Variants in RBM33 observed in about 807,000 individuals in gnomAD.
RBM33 encodes the protein RNA binding motif protein 33.
A neutral mutation model predicts 132.6 loss-of-function variants in RBM33; 28 were observed. The observed-to-expected ratio is 0.21, with a 90% CI of 0.16 to 0.29. The LOEUF (loss-of-function observed/expected upper bound fraction) is 0.29, where lower values mean the gene tolerates loss of function less well. Ranked by LOEUF, RBM33 falls within the 10% of genes least tolerant of loss-of-function variation. The pLI, the probability that RBM33 is intolerant of heterozygous loss-of-function variation, is 1.00. For missense variants in RBM33, 1,291 were observed against 1,518.5 expected (o/e 0.85, Z 2.49); for synonymous variants, 634 against 593.0 (o/e 1.07, Z -1.01).
intron 5 of RBM33, among the ~76,000 whole-genome samples, chr7:155,681,814 A>G (rs1799345224): frequency 6.6e-6 from 1 of 152,150 alleles, no homozygotes; most frequent in African/African-American, 2.4e-5. Flanking sequence ...ATAGTTTAGA[A>G]GTTGCTGAAT....
intron 16 of RBM33, among the ~76,000 whole-genome samples, chr7:155,772,150 T>C (rs934756500): frequency 6.6e-6 from 1 of 152,222 alleles, no homozygotes; most frequent in Non-Finnish European, 1.5e-5. Flanking sequence ...ACTGTTTCAG[T>C]CACTTTTGAG....
At chr7:155,656,601 T>C (rs547884516) in intron 1 of RBM33, among the ~76,000 whole-genome samples, 48 of 152,176 alleles carry the variant, frequency 3.2e-4, no homozygotes, top group African/African-American at 1.0e-3. Flanking sequence ...AAAAAAAATA[T>C]GTGTATGTAT....
At chr7:155,673,940 G>GTTGTTTTTTT in intron 3 of RBM33, among the ~76,000 whole-genome samples, 4 of 54,214 alleles carry the variant, frequency 7.4e-5, no homozygotes, top group African/African-American at 3.3e-4. Flanking sequence ...TTTAGGCTTA[G>GTTGTTTTTTT]TTTTTTTTTT....
At chr7:155,763,754 G>A in intron 14 of RBM33, 58 bp from the exon 15 acceptor site, 1 of 1,511,120 alleles carries the variant, frequency 6.6e-7, no homozygotes, top group Non-Finnish European at 9.0e-7. Flanking sequence ...CTAATGCTGG[G>A]GAGGAGCTTT....
chr7:155,664,836 A>G (rs1171968811), intron 1 of RBM33, among the ~76,000 whole-genome samples: 2 of 152,094 alleles, frequency 1.3e-5, no homozygotes, highest in African/African-American at 4.8e-5. Flanking sequence ...ACTTTTTAGC[A>G]TGTCACATTT....
At chr7:155,691,366 C>T (rs1161253600) in intron 5 of RBM33, among the ~76,000 whole-genome samples, 3 of 152,080 alleles carry the variant, frequency 2.0e-5, no homozygotes, top group South Asian at 2.1e-4. Context: ...GTTAGCCATT[C>T]GTCTAATCTT....
In RBM33 at chr7:155,644,863, GC is replaced by G. The variant is rs1172846137; in HGVS notation, c.-10del. Reference sequence around the variant, plus strand: ...CTTGGTGGGGGAGGCTGAAGGCCGGGCCCCGCGAGTGCCATGGCGGCCGCCC... The same window carrying G: ...CTTGGTGGGGGAGGCTGAAGGCCGGGCCCGCGAGTGCCATGGCGGCCGCCC... On this transcript the variant is annotated 5_prime_UTR_variant, in exon 1 of 18. Coordinates refer to ENST00000401878, the MANE Select transcript of RBM33 (RefSeq NM_053043.3). 2.0e-6 allele frequency: 3 copies of G among 1,490,156 alleles called. No individual in the cohort carries two copies. The highest frequency in any genetic ancestry group is 2.8e-5 in the East Asian group (1 of 35,448). 92.3% of individuals were successfully genotyped at this position (1,490,156 alleles called of 1,614,324 possible). A position where few individuals can be genotyped will look rare whatever the true frequency, so the allele number is the denominator to read the frequency against.
chr7:155,752,210 T>G (rs1297997845), intron 14 of RBM33, among the ~76,000 whole-genome samples: 1 of 152,206 alleles, frequency 6.6e-6, no homozygotes, highest in Admixed American at 6.5e-5. Flanking sequence ...TGGTCCTGCT[T>G]CTTGGAAGCT....
At chr7:155,749,106 G>T (rs903806444) in intron 14 of RBM33, among the ~76,000 whole-genome samples, 1 of 152,056 alleles carries the variant, frequency 6.6e-6, no homozygotes, top group Non-Finnish European at 1.5e-5. Flanking sequence ...TTGGGACCCC[G>T]AACAATCATT....
rs1371357499 is a variant in RBM33, at chr7:155,644,868, G to C, written c.-9G>C. 1.1e-5 allele frequency: 17 copies of C among 1,491,068 alleles called. No homozygotes were observed. The highest frequency in any genetic ancestry group is 8.5e-5 in the East Asian group (3 of 35,346). The allele number at this position is 1,491,068 out of a possible 1,614,324, so 92.4% of individuals were successfully genotyped here. On this transcript the variant is annotated 5_prime_UTR_variant, in exon 1 of 18. Transcript: ENST00000401878. ...TGGGGGAGGCTGAAGGCCGGGCCCC[G>C]CGAGTGCCATGGCGGCCGCCCTGGG... is the stretch of plus-strand genomic sequence containing the variant.
intron 6 of RBM33, chr7:155,701,289 C>A: frequency 2.6e-6 from 1 of 391,874 alleles, no homozygotes; most frequent in Non-Finnish European, 4.5e-6. Context: ...CAGGTTGACC[C>A]TTCCCAAGAC....
intron 16 of RBM33, among the ~76,000 whole-genome samples, chr7:155,767,221 CAG>C (rs1005559707): frequency 2.0e-4 from 31 of 152,222 alleles, no homozygotes; most frequent in Non-Finnish European, 2.8e-4. Context: ...CCACTGGAAA[CAG>C]GGTTTTCCAC....
chr7:155,724,611 G>T (rs1800725535), intron 9 of RBM33, among the ~76,000 whole-genome samples: 2 of 152,168 alleles, frequency 1.3e-5, no homozygotes. Flanking sequence ...AAAATTGAGT[G>T]CTTTGAGCGT....
chr7:155,730,838 T>C (rs1280889192), intron 9 of RBM33, among the ~76,000 whole-genome samples: 1 of 152,220 alleles, frequency 6.6e-6, no homozygotes, highest in Non-Finnish European at 1.5e-5. Context: ...AATAGTCAGT[T>C]AAAGGAAAGA....
At chr7:155,728,091 G>A (rs550463881) in intron 9 of RBM33, among the ~76,000 whole-genome samples, 1 of 152,138 alleles carries the variant, frequency 6.6e-6, no homozygotes, top group Non-Finnish European at 1.5e-5. Context: ...TTTCACTCTG[G>A]TATATTTCAC....
intron 1 of RBM33, among the ~76,000 whole-genome samples, chr7:155,661,083 CTGTGTGTGTGTGTGGTGTGTGTGTGTGTG>C (rs1563131304): frequency 1.5e-5 from 2 of 132,384 alleles, no homozygotes; most frequent in African/African-American, 5.6e-5. Flanking sequence ...AAAATAATTT[CTGTGTGTGTGTGTGGTGTGTGTGTGTGTG>C]TGTGTGTGTG....
At chr7:155,661,146 A>ATATATATATATT (rs1421586760) in intron 1 of RBM33, among the ~76,000 whole-genome samples, 1 of 81,182 alleles carries the variant, frequency 1.2e-5, no homozygotes, top group Non-Finnish European at 2.6e-5. Flanking sequence ...ATATATATAT[A>ATATATATATATT]TTTTTTTTTT....
chr7:155,646,195 G>A (rs1798188115), intron 1 of RBM33, among the ~76,000 whole-genome samples: 1 of 152,072 alleles, frequency 6.6e-6, no homozygotes, highest in African/African-American at 2.4e-5. Flanking sequence ...GTACAGTGGA[G>A]TTTTCTAGAG....
chr7:155,747,653 AT>A (rs1474374354), intron 14 of RBM33, among the ~76,000 whole-genome samples: 1 of 152,232 alleles, frequency 6.6e-6, no homozygotes, highest in African/African-American at 2.4e-5. Flanking sequence ...AAACAAAGGA[AT>A]TTTTCATGAA....
Sources: gnomAD v4.1 joint callset for allele counts (sites outside exome capture counted in the v4.1 genomes callset) on GRCh38, gnomAD v4.1.1 for gene constraint, MANE v1.5 for transcripts, NCBI Gene and HGNC (gene_info 2026-07-23, HGNC 2026-07-21) for gene names.